The following ZNF324B variants were observed in gnomAD, a reference collection of about 807,000 sequenced individuals.
ZNF324B encodes the protein zinc finger protein 324B.
ZNF324B carries 7 observed loss-of-function variants against 10.6 expected under a neutral mutation model. The ratio of observed to expected loss-of-function variants is 0.66; its 90% CI spans 0.38 to 1.24. ZNF324B has a LOEUF of 1.24. Ranked by LOEUF, ZNF324B falls within the 50% of genes most tolerant of loss-of-function variation. The pLI, the probability that ZNF324B is intolerant of heterozygous loss-of-function variation, is 0.02. For synonymous variants in ZNF324B, 316 were observed against 321.0 expected (o/e 0.98, Z 0.17); for missense variants, 640 against 764.7 (o/e 0.84, Z 1.92).
In ZNF324B at chr19:58,455,297, G is replaced by T; in HGVS notation, c.353G>T (p.Ser118Ile). ...TTCCCAGTTGCCGATGCCTGCCACA[G>T]TGTAAAAAGCCTGCAGCGACAACCG... ...SVFPVADACH[S>I]VKSLQRQPGA... Residue 118 changes from serine (S) to isoleucine (I), a missense_variant, in exon 4 of 4, where the codon AGT (serine) becomes ATT (isoleucine). By Grantham distance (142) the Ser-to-Ile change is moderately radical. Around this residue, in one of 3 missense-constraint regions of ZNF324B, gnomAD observed 345 missense variants for 387.9 expected, o/e 0.89. Coordinates refer to ENST00000336614, the MANE Select transcript of ZNF324B (RefSeq NM_207395.3). The surrounding 1 kb of genome is among the most constrained non-coding windows in gnomAD (Gnocchi z 7.0). 3 of 1,614,228 alleles carry T rather than the reference G, an allele frequency of 1.9e-6. No individual in the cohort carries two copies. The highest frequency in any genetic ancestry group is 2.5e-6 in the Non-Finnish European group (3 of 1,180,036).
At chr19:58,427,362 CTTT>C in the ZNF324B span, among the ~76,000 whole-genome samples, 1 of 40,488 alleles carries the variant, frequency 2.5e-5, no homozygotes, top group African/African-American at 7.4e-5. Context: ...TTCTTTCTTT[CTTT>C]CTTTCTTTCT....
the ZNF324B span, chr19:58,437,730 C>T: frequency 2.0e-6 from 2 of 985,296 alleles, no homozygotes; most frequent in South Asian, 4.7e-5. Flanking sequence ...GCATACCTGA[C>T]AGATGCAACC....
the ZNF324B span, chr19:58,435,423 G>A: frequency 1.8e-6 from 1 of 547,390 alleles, no homozygotes; most frequent in East Asian, 3.0e-5. Flanking sequence ...CTCACCAGGG[G>A]TAAGGACACA....
the ZNF324B span, chr19:58,430,315 G>A: frequency 6.6e-6 from 1 of 152,310 alleles, no homozygotes; most frequent in East Asian, 1.9e-4. Context: ...CTAAAGAGGA[G>A]TCAGCTAGCT....
At chr19:58,424,154 CAGG>C in the ZNF324B span, among the ~76,000 whole-genome samples, 1 of 151,786 alleles carries the variant, frequency 6.6e-6, no homozygotes, top group Non-Finnish European at 1.5e-5. Flanking sequence ...GAGGCTAAGG[CAGG>C]AGAATAGCTT....
intron 1 of ZNF324B, 59 bp downstream of exon 1, chr19:58,451,763 G>A: frequency 2.6e-6 from 1 of 383,116 alleles, no homozygotes; most frequent in South Asian, 1.8e-5. Flanking sequence ...AGTATGACGT[G>A]GTCGGCCCGG....
the ZNF324B span, among the ~76,000 whole-genome samples, chr19:58,422,801 C>CA: frequency 0.031 from 4,653 of 148,254 alleles, 244 homozygotes; most frequent in African/African-American, 0.11. Flanking sequence ...AACCCCCTTC[C>CA]AAAAAAAAAA....
chr19:58,434,319 A>C, the ZNF324B span: 1 of 1,614,168 alleles, frequency 6.2e-7, no homozygotes, highest in South Asian at 1.1e-5. Context: ...TCAGGCACTC[A>C]AAAGGCCTTT....
rs200253148 is a variant in ZNF324B, at chr19:58,455,420, G to A, written c.476G>A (p.Ser159Asn). 2.2e-5 allele frequency: 36 copies of A among 1,614,222 alleles called. No homozygotes were observed. The highest frequency in any genetic ancestry group is 1.6e-4 in the East Asian group (7 of 44,884). ...LGSRSDQASI[S>N]LRLTSPLRPP... ...TCGCGCAGTGACCAGGCCAGCATCA[G>A]CCTGCGACTGACCTCCCCACTCAGG... The change falls in exon 4 of 4, where the codon AGC becomes AAC. Residue 159 changes from serine (S) to asparagine (N), a missense_variant. By Grantham distance (46) the Ser-to-Asn change is conservative (BLOSUM62 1). This residue lies in a region of ZNF324B where 345 missense variants were observed against 387.9 expected (regional missense o/e 0.89). Transcript: ENST00000336614. This position sits in a 1 kb window ranked among gnomAD's most constrained non-coding sequence, Gnocchi z 7.0.
At chr19:58,437,021 A>G in the ZNF324B span, 11 of 1,614,046 alleles carry the variant, frequency 6.8e-6, no homozygotes, top group Non-Finnish European at 8.5e-6. Context: ...TAAGGTAGTC[A>G]TCACCATGCT....
the ZNF324B span, among the ~76,000 whole-genome samples, chr19:58,428,032 A>T: frequency 6.6e-6 from 1 of 152,192 alleles, no homozygotes; most frequent in African/African-American, 2.4e-5. Flanking sequence ...TATCCCCCAG[A>T]CACCTCACTG....
chr19:58,456,791 C>A lies in ZNF324B; in HGVS notation c.*212C>A. On this transcript the variant is annotated 3_prime_UTR_variant, in exon 4 of 4. Transcript: ENST00000336614. The surrounding 1 kb of genome is among the most constrained non-coding windows in gnomAD (Gnocchi z 4.7). ...CACACCTCCATCCTCAAAGAGGTAACACTGCAGAAACATCAGAGGGAGGAC... is the reference window on the plus strand; with the variant it reads ...CACACCTCCATCCTCAAAGAGGTAAAACTGCAGAAACATCAGAGGGAGGAC... 1 of 624,886 alleles carries A rather than the reference C, an allele frequency of 1.6e-6. No individual in the cohort carries two copies. The highest frequency in any genetic ancestry group is 2.8e-6 in the Non-Finnish European group (1 of 361,930). 38.7% of individuals were successfully genotyped at this position (624,886 alleles called of 1,614,324 possible).
Position 58,454,324 on chromosome 19 carries a change from C to T in ZNF324B, c.218C>T (p.Thr73Ile), listed in dbSNP as rs2052891523. Residue 73 changes from threonine (T) to isoleucine (I), a missense_variant, in exon 3 of 4, where the codon ACC (threonine) becomes ATC (isoleucine). This residue lies in a region of ZNF324B where 345 missense variants were observed against 387.9 expected (regional missense o/e 0.89). Coordinates refer to ENST00000336614, the MANE Select transcript of ZNF324B (RefSeq NM_207395.3). ...SGKDMTLARN[T>I]YGRLNSGSWS... ...AAGGACATGACCCTGGCCAGGAACA[C>T]CTACGGGAGGCTCAACTCTGGTGAG... 2.5e-6 allele frequency: 4 copies of T among 1,613,726 alleles called. No homozygotes were observed. The highest frequency in any genetic ancestry group is 3.4e-6 in the Non-Finnish European group (4 of 1,179,608).
Position 58,456,524 on chromosome 19 carries a change from G to A in ZNF324B, c.1580G>A (p.Arg527Gln), listed in dbSNP as rs1271319301. The A allele has an allele frequency of 1.2e-6, 2 of 1,614,216 alleles. No individual in the cohort carries two copies. Among genetic ancestry groups the A allele is most frequent in the South Asian group, 1.1e-5 (1 of 91,082 alleles). ...CCAGGTTTCCTTCAGGGACATCATC[G>A]GAAGGTGCGCCGGGGAGGGAAGCCA... ...PGPGFLQGHH[R>Q]KVRRGGKPSP... The change falls in exon 4 of 4, where the codon CGG (arginine) becomes CAG (glutamine). Residue 527 changes from arginine to glutamine, a missense_variant. By Grantham distance (43) the Arg-to-Gln change is conservative. This residue lies in a region of ZNF324B where 238 missense variants were observed against 258.0 expected (regional missense o/e 0.92). Coordinates refer to ENST00000336614, the MANE Select transcript of ZNF324B (RefSeq NM_207395.3). This position sits in a 1 kb window ranked among gnomAD's most constrained non-coding sequence, Gnocchi z 4.7.
At chr19:58,432,192 G>A in the ZNF324B span, 131 of 410,758 alleles carry the variant, frequency 3.2e-4, no homozygotes, top group South Asian at 1.7e-3. Context: ...TTTCCTGGAC[G>A]TCAGGCTATC....
chr19:58,419,190 ATCT>A, the ZNF324B span: 1 of 152,132 alleles, frequency 6.6e-6, no homozygotes, highest in East Asian at 1.9e-4. Flanking sequence ...TTGGTGAGAG[ATCT>A]TCTATATGTT....
intron 3 of ZNF324B, chr19:58,454,646 G>T: frequency 3.6e-6 from 2 of 562,894 alleles, no homozygotes; most frequent in East Asian, 5.6e-5. Context: ...ATTTATCTTT[G>T]TATTCATCAA....
At chr19:58,435,467 C>A in the ZNF324B span, 1 of 398,654 alleles carries the variant, frequency 2.5e-6, no homozygotes, top group Non-Finnish European at 4.5e-6. Context: ...AGACATTTCT[C>A]TAAAAGAAGA....
At chr19:58,453,914 TGGCCAG>T in intron 2 of ZNF324B, 92 bp downstream of exon 2, 1 of 1,532,476 alleles carries the variant, frequency 6.5e-7, no homozygotes, top group Non-Finnish European at 8.8e-7. Flanking sequence ...GGATCAAATC[TGGCCAG>T]GGCCACGTGG....
Sources: gnomAD v4.1 joint callset for allele counts (sites outside exome capture counted in the v4.1 genomes callset) on GRCh38, gnomAD v4.1.1 for gene constraint, gnomAD v4.1.1 regional missense constraint, Gnocchi (gnomAD v3.1) non-coding constraint, MANE v1.5 for transcripts, NCBI Gene and HGNC (gene_info 2026-07-23, HGNC 2026-07-21) for gene names.